Variants in CCDC178 observed in about 807,000 individuals in gnomAD.
CCDC178 encodes the protein coiled-coil domain-containing protein 178.
Under a neutral mutation model 117.4 loss-of-function variants are expected in CCDC178, and 126 were observed. The ratio of observed to expected loss-of-function variants is 1.07; its 90% CI spans 0.93 to 1.24. The LOEUF (loss-of-function observed/expected upper bound fraction) is 1.24, where lower values mean the gene tolerates loss of function less well. Among genes scored for constraint, CCDC178 ranks in the 50% most tolerant of loss-of-function variants. CCDC178 has a pLI of 0.00. For synonymous variants in CCDC178, 283 were observed against 313.4 expected, an observed-to-expected ratio of 0.90 and a Z score of 1.02; for missense variants, 1,030 against 986.9, an observed-to-expected ratio of 1.04 and a Z score of -0.59.
At chr18:33,013,665 A>G (rs1003850034) in intron 21 of CCDC178, among the ~76,000 whole-genome samples, 2 of 152,204 alleles carry the variant, frequency 1.3e-5, no homozygotes, top group African/African-American at 4.8e-5. Context: ...CAGTGCGGAA[A>G]TAGAGTATGA....
intron 3 of CCDC178, among the ~76,000 whole-genome samples, chr18:33,402,066 A>G (rs1332260349): frequency 6.6e-6 from 1 of 152,190 alleles, no homozygotes; most frequent in African/African-American, 2.4e-5. Flanking sequence ...ACAATATAAA[A>G]TAAATATTGA....
At chr18:32,958,092 G>A in intron 22 of CCDC178, 1 of 377,646 alleles carries the variant, frequency 2.6e-6, no homozygotes. Flanking sequence ...CAAATGATGG[G>A]CTAAATTATT....
intron 18 of CCDC178, among the ~76,000 whole-genome samples, chr18:33,216,169 C>T (rs2059163282): frequency 6.6e-6 from 1 of 152,008 alleles, no homozygotes; most frequent in South Asian, 2.1e-4. Flanking sequence ...TGTTTATTCT[C>T]TCTGTCCCAC....
chr18:33,077,616 G>T (rs1347826765), intron 21 of CCDC178, among the ~76,000 whole-genome samples: 3 of 152,090 alleles, frequency 2.0e-5, no homozygotes, highest in Non-Finnish European at 2.9e-5. Flanking sequence ...TAGCTCCACA[G>T]AAGTAAAAAT....
chr18:33,227,974 T>C (rs936064518), intron 15 of CCDC178, among the ~76,000 whole-genome samples: 2 of 152,232 alleles, frequency 1.3e-5, no homozygotes, highest in African/African-American at 4.8e-5. Flanking sequence ...TTGTTTATTA[T>C]TTAATAGAAA....
chr18:32,985,949 C>T (rs1365504468), intron 21 of CCDC178, among the ~76,000 whole-genome samples: 1 of 151,932 alleles, frequency 6.6e-6, no homozygotes, highest in African/African-American at 2.4e-5. Flanking sequence ...ATAGTTCTAC[C>T]AAACTGGATT....
At chr18:33,313,027 T>A (rs548274525) in intron 11 of CCDC178, among the ~76,000 whole-genome samples, 1 of 152,262 alleles carries the variant, frequency 6.6e-6, no homozygotes, top group Admixed American at 6.5e-5. Flanking sequence ...TATCCTATAG[T>A]CTCTCTCACA....
At chr18:33,053,202 C>T (rs947928779) in intron 21 of CCDC178, among the ~76,000 whole-genome samples, 10 of 152,026 alleles carry the variant, frequency 6.6e-5, no homozygotes, top group African/African-American at 1.9e-4. Flanking sequence ...TCACAAGCTT[C>T]GATCCATAAA....
intron 14 of CCDC178, among the ~76,000 whole-genome samples, chr18:33,260,707 T>G (rs1176759844): frequency 2.0e-5 from 3 of 152,096 alleles, no homozygotes; most frequent in Admixed American, 1.3e-4. Context: ...AATTTTGTAT[T>G]GTTCAAACTT....
At chr18:33,248,119 T>G (rs142866737) in intron 14 of CCDC178, among the ~76,000 whole-genome samples, 2 of 151,770 alleles carry the variant, frequency 1.3e-5, no homozygotes, top group African/African-American at 2.4e-5. Flanking sequence ...ACATACAAAG[T>G]GATGTAATAA....
In CCDC178 at chr18:33,247,903, G is replaced by A. The variant is rs149362326; in HGVS notation, c.1410-2475C>T. On this transcript the variant is annotated intron_variant, in intron 14 of 22. Transcript: ENST00000383096. ...GATTTTCAGAAGGAACAATAATAAG[G>A]TATGTTGTGTAAAGACTAGAGAAAT... Among the ~76,000 whole-genome samples the A allele has an allele frequency of 1.9e-3, 287 of 151,880 alleles. 2 individuals carry two copies. Among genetic ancestry groups the A allele is most frequent in the African/African-American group, 6.6e-3 (272 of 41,464 alleles).
At chr18:33,219,166 C>T (rs1007914078) in intron 18 of CCDC178, among the ~76,000 whole-genome samples, 14 of 151,982 alleles carry the variant, frequency 9.2e-5, no homozygotes, top group Non-Finnish European at 1.9e-4. Flanking sequence ...AGGTCCTTCA[C>T]ATGAAAAAAT....
chr18:33,311,831 T>A (rs537996164), intron 11 of CCDC178, among the ~76,000 whole-genome samples: 1 of 152,132 alleles, frequency 6.6e-6, no homozygotes, highest in Non-Finnish European at 1.5e-5. Context: ...TTGGTTGACA[T>A]AGGAACCACC....
At chr18:33,136,465 G>C (rs1449831439) in intron 20 of CCDC178, among the ~76,000 whole-genome samples, 11 of 152,136 alleles carry the variant, frequency 7.2e-5, no homozygotes, top group African/African-American at 4.8e-5. Context: ...TGCAGGGTTA[G>C]AATAACTAGA....
At chr18:33,305,442 A>C (rs1410505784) in intron 11 of CCDC178, among the ~76,000 whole-genome samples, 1 of 152,158 alleles carries the variant, frequency 6.6e-6, no homozygotes, top group Non-Finnish European at 1.5e-5. Flanking sequence ...TCCTGTACTC[A>C]GTAGAGGTCC....
At chr18:33,329,911 GTGT>G (rs1269595100) in intron 10 of CCDC178, among the ~76,000 whole-genome samples, 3 of 143,980 alleles carry the variant, frequency 2.1e-5, no homozygotes, top group Non-Finnish European at 3.0e-5. Context: ...GTGTGTGTGT[GTGT>G]GGTATAATTC....
intron 20 of CCDC178, among the ~76,000 whole-genome samples, chr18:33,107,532 C>T (rs1403373557): frequency 6.6e-6 from 1 of 151,586 alleles, no homozygotes; most frequent in Non-Finnish European, 1.5e-5. Context: ...CTCTGAAAAT[C>T]ACAATAATAA....
At chr18:33,004,469 C>T (rs1359090203) in intron 21 of CCDC178, among the ~76,000 whole-genome samples, 2 of 152,058 alleles carry the variant, frequency 1.3e-5, no homozygotes, top group Non-Finnish European at 2.9e-5. Flanking sequence ...TCTCTTTCCA[C>T]ATTCAAAATT....
intron 20 of CCDC178, among the ~76,000 whole-genome samples, chr18:33,199,698 G>T (rs1172114224): frequency 2.0e-5 from 3 of 152,018 alleles, no homozygotes; most frequent in Non-Finnish European, 4.4e-5. Context: ...CCCAACCAGG[G>T]CTGTGTCTTG....
Sources: gnomAD v4.1 joint callset for allele counts (sites outside exome capture counted in the v4.1 genomes callset) on GRCh38, gnomAD v4.1.1 for gene constraint, MANE v1.5 for transcripts, NCBI Gene and HGNC (gene_info 2026-07-23, HGNC 2026-07-21) for gene names.